Variants in JAK2 observed in about 807,000 individuals in gnomAD.
JAK2 encodes the protein Janus kinase 2, also known as tyrosine-protein kinase JAK2.
Under a neutral mutation model 139.3 loss-of-function variants are expected in JAK2, and 86 were observed. The observed-to-expected ratio is 0.62, with a 90% confidence interval of 0.52 to 0.74. JAK2 has a LOEUF of 0.74. JAK2 is among the 30% of genes least tolerant of loss of function. The probability of loss-of-function intolerance (pLI) is 0.00; values close to 1 mark genes in which losing one functional copy is unlikely to be tolerated. For synonymous variants in JAK2, 490 were observed against 437.7 expected (o/e 1.12, Z -1.49); for missense variants, 1,421 against 1,360.3 (o/e 1.04, Z -0.70).
Position 5,045,361 on chromosome 9 carries a change from C to T in JAK2, c.468+841C>T, listed in dbSNP as rs183606983. Reference sequence around the variant, plus strand: ...AGTTTATGAACAACAAAAGGAAAAACATTTCTCTATTGGGGTATGAGACCA... The same window carrying T: ...AGTTTATGAACAACAAAAGGAAAAATATTTCTCTATTGGGGTATGAGACCA... On this transcript the variant is annotated intron_variant, in intron 5 of 24. Coordinates refer to ENST00000381652, the MANE Select transcript of JAK2 (RefSeq NM_004972.4). 3.0e-3 allele frequency among the ~76,000 whole-genome samples: 456 copies of T among 152,218 alleles called. 1 individual carries two copies. Among genetic ancestry groups the T allele is most frequent in the African/African-American group, 0.011 (438 of 41,540 alleles).
intron 2 of JAK2, among the ~76,000 whole-genome samples, chr9:4,997,462 C>G (rs913083107): frequency 6.6e-6 from 1 of 152,126 alleles, no homozygotes; most frequent in Non-Finnish European, 1.5e-5. Context: ...AAGGTGCACA[C>G]ACTTTTAAAC....
chr9:5,075,176 G>GCC (rs1463674687), intron 14 of JAK2, among the ~76,000 whole-genome samples: 5 of 152,082 alleles, frequency 3.3e-5, no homozygotes, highest in African/African-American at 1.2e-4. Flanking sequence ...AAGAAAAGAA[G>GCC]CCATGTGCAC....
chr9:5,054,938 A>G lies in JAK2; in HGVS notation c.936+54A>G. 1 of 1,307,830 alleles carries G rather than the reference A, an allele frequency of 7.6e-7. No individual in the cohort carries two copies. Among genetic ancestry groups the G allele is most frequent in the Non-Finnish European group, 1.1e-6 (1 of 950,444 alleles). 81.0% of individuals were successfully genotyped at this position (1,307,830 alleles called of 1,614,324 possible). A position where few individuals can be genotyped will look rare whatever the true frequency, so the allele number is the denominator to read the frequency against. ...TTGTTATTTTAAGTACAATGGAAAT[A>G]AAAACAAAGTAATTTTAATCATTTG... On this transcript the variant is annotated intron_variant, in intron 7 of 24. Coordinates refer to ENST00000381652, the MANE Select transcript of JAK2 (RefSeq NM_004972.4). This position sits in a 1 kb window ranked among gnomAD's most constrained non-coding sequence, Gnocchi z 4.9.
chr9:5,009,711 G>A (rs1419812589), intron 2 of JAK2, among the ~76,000 whole-genome samples: 2 of 151,788 alleles, frequency 1.3e-5, no homozygotes, highest in African/African-American at 4.8e-5. Context: ...TTTTATGTGT[G>A]TGCAGACAAC....
intron 22 of JAK2, 93 bp from the exon 23 acceptor site, chr9:5,122,910 GT>G (rs796174169): frequency 0.033 from 19,736 of 604,942 alleles, no homozygotes; most frequent in South Asian, 0.042. Flanking sequence ...TTCTCTACAT[GT>G]TTTTTTTTTT....
chr9:5,106,190 C>T (rs1821937621), intron 22 of JAK2, among the ~76,000 whole-genome samples: 1 of 151,912 alleles, frequency 6.6e-6, no homozygotes, highest in Non-Finnish European at 1.5e-5. Context: ...CCAAAATCTA[C>T]AAAGAAATTT....
At chr9:5,005,128 T>G (rs1429387083) in intron 2 of JAK2, among the ~76,000 whole-genome samples, 1 of 110,450 alleles carries the variant, frequency 9.1e-6, no homozygotes, top group Non-Finnish European at 1.8e-5. Context: ...TTTTTTTTTT[T>G]TTTTAGGTAC....
At chr9:5,035,234 ATAAT>A (rs1382224712) in intron 4 of JAK2, among the ~76,000 whole-genome samples, 2 of 152,252 alleles carry the variant, frequency 1.3e-5, no homozygotes, top group African/African-American at 4.8e-5. Context: ...AATTGAGGCA[ATAAT>A]TAATAGTTTA....
In JAK2 at chr9:5,129,790, ATCAG is replaced by A. The variant is rs930834660; in HGVS notation, c.*3003_*3006del. Among the ~76,000 whole-genome samples, 6 of 152,190 alleles carry A rather than the reference ATCAG, an allele frequency of 3.9e-5. No homozygotes were observed. The highest frequency in any genetic ancestry group is 2.1e-4 in the South Asian group (1 of 4,838). ...GACACTGAGAGAACTGAAAAACTAC[ATCAG>A]TCAAATTCATGTATGTATATCATAT... is the stretch of plus-strand genomic sequence containing the variant. On this transcript the variant is annotated 3_prime_UTR_variant, in exon 25 of 25. Coordinates refer to ENST00000381652, the MANE Select transcript of JAK2 (RefSeq NM_004972.4).
At chr9:5,112,839 G>T in intron 22 of JAK2, 1 of 559,056 alleles carries the variant, frequency 1.8e-6, no homozygotes, top group Non-Finnish European at 2.8e-6. Flanking sequence ...AACCCCGCTG[G>T]GCACGTGTGA....
At chr9:5,068,038 T>C (rs1289107336) in intron 10 of JAK2, among the ~76,000 whole-genome samples, 3 of 152,022 alleles carry the variant, frequency 2.0e-5, no homozygotes, top group Non-Finnish European at 4.4e-5. Context: ...TGCGCACCTG[T>C]AGTCCCAGCT....
intron 2 of JAK2, among the ~76,000 whole-genome samples, chr9:4,989,512 T>C (rs1445957463): frequency 6.6e-6 from 1 of 152,156 alleles, no homozygotes. Flanking sequence ...ACATGTTGAT[T>C]GTGTGATAAG....
intron 14 of JAK2, among the ~76,000 whole-genome samples, chr9:5,076,849 G>A (rs1447843161): frequency 1.3e-5 from 2 of 152,098 alleles, no homozygotes; most frequent in Non-Finnish European, 2.9e-5. Context: ...TTATATGGAG[G>A]TATCTGAGAG....
intron 19 of JAK2, chr9:5,086,217 C>T (rs768070819): frequency 1.7e-6 from 1 of 602,280 alleles, no homozygotes; most frequent in South Asian, 5.0e-5. Flanking sequence ...CAGCGCGAGG[C>T]CACGGTCGGA....
At chr9:5,124,189 G>A (rs878899316) in intron 23 of JAK2, among the ~76,000 whole-genome samples, 1 of 151,726 alleles carries the variant, frequency 6.6e-6, no homozygotes, top group African/African-American at 2.4e-5. Context: ...TATTGATTTT[G>A]CTATGCTGAA....
At chr9:5,100,675 C>G (rs369088797) in intron 22 of JAK2, 83 of 152,314 alleles carry the variant, frequency 5.4e-4, no homozygotes, top group African/African-American at 2.0e-3. Context: ...GTTACTTCGG[C>G]TCATCACAGC....
At chr9:4,986,192 G>C (rs1819939950) in intron 2 of JAK2, among the ~76,000 whole-genome samples, 170 bp downstream of exon 2, 1 of 152,114 alleles carries the variant, frequency 6.6e-6, no homozygotes, top group Non-Finnish European at 1.5e-5. Context: ...AGTAATTTTG[G>C]GGTGTTTTGT....
chr9:5,114,731 C>T (rs1822985660), intron 22 of JAK2: 1 of 373,244 alleles, frequency 2.7e-6, no homozygotes, highest in Non-Finnish European at 5.2e-6. Context: ...AAAACGAGTT[C>T]ATCTGCTCTG....
At chr9:5,091,919 T>C (rs559436696) in intron 22 of JAK2, among the ~76,000 whole-genome samples, 3 of 151,984 alleles carry the variant, frequency 2.0e-5, no homozygotes, top group Admixed American at 2.0e-4. Flanking sequence ...GAGCTTTAGG[T>C]GGAGTGGTAT....
Sources: gnomAD v4.1 joint callset for allele counts (sites outside exome capture counted in the v4.1 genomes callset) on GRCh38, gnomAD v4.1.1 for gene constraint, Gnocchi (gnomAD v3.1) non-coding constraint, MANE v1.5 for transcripts, NCBI Gene and HGNC (gene_info 2026-07-23, HGNC 2026-07-21) for gene names.